Variants in TAF11 observed in about 807,000 individuals in gnomAD.
The protein encoded by TAF11 is transcription initiation factor TFIID subunit 11.
Under a neutral mutation model 23.0 loss-of-function variants are expected in TAF11, and 10 were observed. That is an observed-to-expected ratio of 0.43 (90% CI 0.27 to 0.74). The LOEUF (loss-of-function observed/expected upper bound fraction) is 0.74. Among genes scored for constraint, TAF11 ranks in the 30% least tolerant of loss-of-function variants. TAF11 has a pLI of 0.19. For synonymous variants in TAF11, 85 were observed against 95.8 expected (o/e 0.89, Z 0.66); for missense variants, 196 against 261.7 (o/e 0.75, Z 1.73).
chr6:34,877,914 G>GTTGTT lies in TAF11; in HGVS notation c.*671_*675dup, dbSNP rs1042723537. 6.6e-6 allele frequency: 1 copy of GTTGTT among 152,076 alleles called. No individual in the cohort carries two copies. The highest frequency in any genetic ancestry group is 1.5e-5 in the Non-Finnish European group (1 of 68,022). 9.4% of individuals were successfully genotyped at this position (152,076 alleles called of 1,614,324 possible). A position where few individuals can be genotyped will look rare whatever the true frequency, so the allele number is the denominator to read the frequency against. On this transcript the variant is annotated 3_prime_UTR_variant, in exon 5 of 5. Transcript: ENST00000361288. ...AGAGTATCACAAGTAAAAGTTTCTG[G>GTTGTT]TTGTTTCATCTACTTAAAACCAGAT...
At chr6:34,883,807 A>C (rs145837877) in intron 1 of TAF11, among the ~76,000 whole-genome samples, 1 of 152,214 alleles carries the variant, frequency 6.6e-6, no homozygotes, top group Non-Finnish European at 1.5e-5. Flanking sequence ...GCCAACAATC[A>C]TGTGAAAAAA....
chr6:34,879,610 A>G (rs1391865964), intron 4 of TAF11: 1 of 984,928 alleles, frequency 1.0e-6, no homozygotes, highest in African/African-American at 1.8e-5. Flanking sequence ...GGATCACAAC[A>G]TTAGGGACAA....
chr6:34,879,518 A>G (rs1428676766), intron 4 of TAF11: 1 of 984,684 alleles, frequency 1.0e-6, no homozygotes, highest in Non-Finnish European at 1.2e-6. Context: ...TGCTCAAAAA[A>G]AAAAAAAAAA....
intron 4 of TAF11, 121 bp from the exon 5 acceptor site, chr6:34,878,841 T>C (rs148508002): frequency 2.4e-6 from 2 of 843,198 alleles, no homozygotes; most frequent in East Asian, 5.3e-5. Context: ...TAAACAGACA[T>C]TTTTCCTTTT....
chr6:34,879,758 G>C, intron 4 of TAF11: 1 of 985,366 alleles, frequency 1.0e-6, no homozygotes, highest in Non-Finnish European at 1.2e-6. Flanking sequence ...AATCAGGGAG[G>C]GGATTTCCCA....
At chr6:34,887,646 C>T (rs1766557865) in intron 1 of TAF11, 141 bp downstream of exon 1, 4 of 1,030,858 alleles carry the variant, frequency 3.9e-6, no homozygotes, top group African/African-American at 1.6e-5. Flanking sequence ...CCTCTCTTCC[C>T]CCTCAAGATT....
chr6:34,881,034 T>C (rs929498140), intron 2 of TAF11, among the ~76,000 whole-genome samples: 1 of 152,160 alleles, frequency 6.6e-6, no homozygotes, highest in Non-Finnish European at 1.5e-5. Flanking sequence ...TGGAACACCT[T>C]TTTGGAGAGA....
Position 34,880,125 on chromosome 6 carries a change from AC to A in TAF11, c.409-63del. The A allele has an allele frequency of 1.3e-6, 2 of 1,556,656 alleles. No individual in the cohort carries two copies. The highest frequency in any genetic ancestry group is 1.8e-6 in the Non-Finnish European group (2 of 1,130,826). ...TCAAAGACTGGCTTTGGAACACAGT[AC>A]CAAGTAATTCACAGAAAAAGGTAAG... On this transcript the variant is annotated intron_variant, in intron 3 of 4. Transcript: ENST00000361288. The surrounding 1 kb of genome is among the most constrained non-coding windows in gnomAD (Gnocchi z 4.8).
At chr6:34,882,785 G>C in intron 2 of TAF11, 147 bp downstream of exon 2, 1 of 996,546 alleles carries the variant, frequency 1.0e-6, no homozygotes, top group East Asian at 3.0e-5. Context: ...GATTACAGGC[G>C]TGAGCCACCA....
intron 2 of TAF11, 51 bp downstream of exon 2, chr6:34,882,881 G>C: frequency 6.6e-7 from 1 of 1,516,318 alleles, no homozygotes; most frequent in Non-Finnish European, 8.8e-7. Flanking sequence ...TATTAAATTT[G>C]TGTGGTCAAG....
Position 34,878,576 on chromosome 6 carries a change from T to C in TAF11, c.*14A>G. On this transcript the variant is annotated 3_prime_UTR_variant, in exon 5 of 5. Transcript: ENST00000361288. ...CTTCTTCCGTCAGTAACATAGGCCT[T>C]TCTAGACTTTGGTCTAGAAGAAGAT... 2 of 1,432,646 alleles carry C rather than the reference T, an allele frequency of 1.4e-6. No homozygotes were observed. Among genetic ancestry groups the C allele is most frequent in the Non-Finnish European group, 2.0e-6 (2 of 1,014,690 alleles). 88.7% of individuals were successfully genotyped at this position (1,432,646 alleles called of 1,614,324 possible).
chr6:34,885,931 G>A (rs1213780440), intron 1 of TAF11, among the ~76,000 whole-genome samples: 1 of 152,126 alleles, frequency 6.6e-6, no homozygotes, highest in Non-Finnish European at 1.5e-5. Flanking sequence ...ACCAGGCTGG[G>A]CAACTTGTGA....
chr6:34,879,918 A>T, intron 4 of TAF11, 49 bp downstream of exon 4: 1 of 1,588,780 alleles, frequency 6.3e-7, no homozygotes. Context: ...ATTCTTAAAA[A>T]TAAGACCACC....
intron 1 of TAF11, among the ~76,000 whole-genome samples, chr6:34,884,841 G>A (rs1352317704): frequency 6.6e-6 from 1 of 152,078 alleles, no homozygotes; most frequent in African/African-American, 2.4e-5. Context: ...TTGGTGGTTT[G>A]TATTTTCCTT....
chr6:34,882,369 C>T (rs1766454246), intron 2 of TAF11, among the ~76,000 whole-genome samples: 1 of 151,082 alleles, frequency 6.6e-6, no homozygotes, highest in Non-Finnish European at 1.5e-5. Context: ...AGAGGCCGGG[C>T]ACAGTGGCTC....
Position 34,880,115 on chromosome 6 carries a change from G to C in TAF11, c.409-52C>G, listed in dbSNP as rs533757339. The C allele has an allele frequency of 1.2e-5, 19 of 1,580,424 alleles. No homozygotes were observed. In the African/African-American group the frequency reaches 2.6e-4, roughly 21 times the overall value. On this transcript the variant is annotated intron_variant, in intron 3 of 4. Coordinates refer to ENST00000361288, the MANE Select transcript of TAF11 (RefSeq NM_005643.4). This position sits in a 1 kb window ranked among gnomAD's most constrained non-coding sequence, Gnocchi z 4.8. ...ATCACAATAGTCAAAGACTGGCTTT[G>C]GAACACAGTACCAAGTAATTCACAG...
At chr6:34,887,585 G>A (rs757579111) in intron 1 of TAF11, among the ~76,000 whole-genome samples, 19 of 152,118 alleles carry the variant, frequency 1.2e-4, no homozygotes, top group Non-Finnish European at 2.5e-4. Context: ...AATATTAACA[G>A]TGCTTGAGCC....
intron 4 of TAF11, chr6:34,879,367 C>T: frequency 1.0e-6 from 1 of 961,288 alleles, no homozygotes; most frequent in South Asian, 4.8e-5. Context: ...ATTTTGTATA[C>T]CATCTTAATT....
chr6:34,885,154 TC>T, intron 1 of TAF11, among the ~76,000 whole-genome samples: 1 of 152,002 alleles, frequency 6.6e-6, no homozygotes, highest in East Asian at 1.9e-4. Context: ...GGATCATAGC[TC>T]ACTGAAGCCT....
Sources: allele counts gnomAD v4.1 joint callset (sites outside exome capture counted in the v4.1 genomes callset), GRCh38; gene constraint gnomAD v4.1.1; non-coding constraint Gnocchi (gnomAD v3.1); transcripts MANE v1.5; gene names NCBI Gene and HGNC (gene_info 2026-07-23, HGNC 2026-07-21).